Variants in RGPD4 observed in about 807,000 individuals in gnomAD.
RGPD4 encodes the protein RANBP2 like and GRIP domain containing 4.
In RGPD4, 84 loss-of-function variants were observed where a neutral mutation model predicts 141.1. The ratio of observed to expected loss-of-function variants is 0.60; its 90% CI spans 0.50 to 0.71. RGPD4 has a LOEUF of 0.71. Ranked by LOEUF, RGPD4 falls within the 30% of genes least tolerant of loss-of-function variation. The pLI, the probability that RGPD4 is intolerant of heterozygous loss-of-function variation, is 0.00. For missense variants in RGPD4, 918 were observed against 1,622.4 expected (o/e 0.57, Z 7.46); for synonymous variants, 298 against 566.8 (o/e 0.53, Z 6.74).
At chr2:107,874,730 TTG>T (rs1473576622) in intron 20 of RGPD4, among the ~76,000 whole-genome samples, 2 of 150,292 alleles carry the variant, frequency 1.3e-5, no homozygotes, top group Admixed American at 6.6e-5. Context: ...GATAATGTCA[TTG>T]TCCCAAGGGA....
chr2:107,872,834 C>T lies in RGPD4; in HGVS notation c.4830C>T (p.Ile1610=), dbSNP rs1299990468. Residue 1610 remains isoleucine (I), a synonymous_variant, in exon 20 of 23, where the codon ATC becomes ATT. Coordinates refer to ENST00000408999, the MANE Select transcript of RGPD4 (RefSeq NM_182588.3). ...KKCELSKNSD[I]EQSSDSKVKN... is the part of the protein sequence containing the mutation. ...GTGAACTGTCAAAGAACTCTGATAT[C>T]GAACAGTCTTCAGATAGCAAAGTCA... The T allele has an allele frequency of 1.2e-6, 2 of 1,606,332 alleles. No homozygotes were observed. Among genetic ancestry groups the T allele is most frequent in the South Asian group, 1.1e-5 (1 of 90,738 alleles).
chr2:107,871,773 G>T lies in RGPD4; in HGVS notation c.3769G>T (p.Asp1257Tyr), dbSNP rs755768263. 3.7e-6 allele frequency: 6 copies of T among 1,611,372 alleles called. No homozygotes were observed. The African/African-American group carries it at 8.1e-5, about 22-fold the overall frequency. Residue 1257 changes from aspartate (D) to tyrosine (Y), a missense_variant, in exon 20 of 23, where the codon GAT (aspartate) becomes TAT (tyrosine). Transcript: ENST00000408999. ...LEWDNCDLRE[D>Y]ALDDSVSSSS... ...ATGGGATAACTGTGATTTAAGGGAA[G>T]ATGCTTTGGATGATAGTGTCAGTAG...
rs768010825 is a variant in RGPD4, at chr2:107,826,989, T to C, written c.-25T>C. 1.9e-6 allele frequency: 3 copies of C among 1,590,424 alleles called. No homozygotes were observed. Among genetic ancestry groups the C allele is most frequent in the African/African-American group, 2.7e-5 (2 of 74,476 alleles). ...CGGGGCTGAGCGCTGGTTTCACGCG[T>C]CTCGGGAGCCAGGTTGGTGGCGCGA... is the stretch of plus-strand genomic sequence containing the variant. On this transcript the variant is annotated 5_prime_UTR_variant, in exon 1 of 23. Transcript: ENST00000408999.
Position 107,871,229 on chromosome 2 carries a change from G to T in RGPD4, c.3225G>T (p.Arg1075Ser), listed in dbSNP as rs1335436792. 3.0e-5 allele frequency: 49 copies of T among 1,609,218 alleles called. 1 individual carries two copies. Among genetic ancestry groups the T allele is most frequent in the African/African-American group, 8.2e-5 (6 of 73,184 alleles). ...TATTTAGATTTGATGCTGAGGTAAG[G>T]CAGTGGAAAGAAAGGGGCTTGGGGA... ...VKLFRFDAEV[R>S]QWKERGLGNL... The change falls in exon 20 of 23, where the codon AGG (arginine) becomes AGT (serine). Residue 1075 changes from arginine to serine, a missense_variant. Coordinates refer to ENST00000408999, the MANE Select transcript of RGPD4 (RefSeq NM_182588.3).
chr2:107,874,697 G>T lies in RGPD4; in HGVS notation c.4924+1769G>T, dbSNP rs577188088. Among the ~76,000 whole-genome samples the T allele has an allele frequency of 2.5e-3, 372 of 150,208 alleles. 7 individuals carry two copies. The highest frequency in any genetic ancestry group is 8.0e-3 in the African/African-American group (324 of 40,294). On this transcript the variant is annotated intron_variant, in intron 20 of 22. Coordinates refer to ENST00000408999, the MANE Select transcript of RGPD4 (RefSeq NM_182588.3). ...TGCCTATACACTACTGTAGAACATA[G>T]AGCCTTATTCTGTTTTGAATCTGAT...
intron 20 of RGPD4, among the ~76,000 whole-genome samples, chr2:107,878,791 G>A (rs1192237436): frequency 5.8e-5 from 3 of 52,122 alleles, no homozygotes; most frequent in African/African-American, 2.1e-4. Context: ...GATGTTCAAG[G>A]GCAGGAAGCA....
At chr2:107,830,341 C>T (rs1271933374) in intron 1 of RGPD4, among the ~76,000 whole-genome samples, 1 of 63,250 alleles carries the variant, frequency 1.6e-5, no homozygotes. Context: ...TTTAAACAAG[C>T]TTAAAAAAAA....
At chr2:107,844,840 T>TG (rs1681865011) in intron 6 of RGPD4, among the ~76,000 whole-genome samples, 1 of 96,372 alleles carries the variant, frequency 1.0e-5, no homozygotes, top group Non-Finnish European at 2.2e-5. Context: ...GTTTTTTTTT[T>TG]TTTTTTTTTT....
intron 9 of RGPD4, among the ~76,000 whole-genome samples, chr2:107,857,974 G>A (rs1484569951): frequency 6.6e-6 from 1 of 152,070 alleles, no homozygotes; most frequent in African/African-American, 2.4e-5. Context: ...GGGCGACAGA[G>A]CGAGACTTCG....
intron 22 of RGPD4, among the ~76,000 whole-genome samples, chr2:107,884,732 TAACTA>T (rs1192743433): frequency 6.8e-6 from 1 of 146,804 alleles, no homozygotes; most frequent in Non-Finnish European, 1.5e-5. Flanking sequence ...TAAACCCTAA[TAACTA>T]AACTGATAAG....
chr2:107,849,009 CAG>C, intron 7 of RGPD4, among the ~76,000 whole-genome samples: 1 of 99,852 alleles, frequency 1.0e-5, no homozygotes, highest in African/African-American at 4.3e-5. Context: ...GTATATGTAA[CAG>C]TATATCTATT....
At chr2:107,829,509 C>T in intron 1 of RGPD4, among the ~76,000 whole-genome samples, 1 of 131,240 alleles carries the variant, frequency 7.6e-6, no homozygotes, top group East Asian at 2.2e-4. Context: ...ACGGGCGCTG[C>T]TCCCTGGCGC....
In RGPD4 at chr2:107,859,806, T is replaced by A. The variant is rs773071221; in HGVS notation, c.1719T>A (p.Pro573=). 1.2e-6 allele frequency: 2 copies of A among 1,609,930 alleles called. No homozygotes were observed. Among genetic ancestry groups the A allele is most frequent in the Non-Finnish European group, 1.7e-6 (2 of 1,179,700 alleles). ...CCCAGGAAAAACATGGCCTTCAACC[T>A]GCTCTGCTTGTACATTGGGCAAAAT... ...LRAQEKHGLQ[P]ALLVHWAKCL... is the part of the protein sequence containing the mutation. Residue 573 remains proline, a synonymous_variant, in exon 12 of 23, where the codon CCT becomes CCA. Coordinates refer to ENST00000408999, the MANE Select transcript of RGPD4 (RefSeq NM_182588.3).
chr2:107,830,194 A>C (rs1251994965), intron 1 of RGPD4, among the ~76,000 whole-genome samples: 1 of 151,790 alleles, frequency 6.6e-6, no homozygotes, highest in East Asian at 1.9e-4. Flanking sequence ...AAAAATTCTA[A>C]AGTTCTTACA....
chr2:107,836,380 T>G lies in RGPD4; in HGVS notation c.73-222T>G, dbSNP rs1383978779. ...CACCCACTTCGGCCTCCCAAAGTGC[T>G]GGGATTACAGGCATGAGCCGCTGCA... On this transcript the variant is annotated intron_variant, in intron 1 of 22. Coordinates refer to ENST00000408999, the MANE Select transcript of RGPD4 (RefSeq NM_182588.3). Among the ~76,000 whole-genome samples, 6 of 106,968 alleles carry G rather than the reference T, an allele frequency of 5.6e-5. 1 individual carries two copies. The highest frequency in any genetic ancestry group is 2.6e-4 in the Admixed American group (3 of 11,524). The allele number at this position is 106,968 out of a possible 152,430, so 70.2% of individuals were successfully genotyped here.
At chr2:107,829,518 G>A (rs1407146941) in intron 1 of RGPD4, among the ~76,000 whole-genome samples, 12 of 133,654 alleles carry the variant, frequency 9.0e-5, no homozygotes, top group African/African-American at 2.9e-4. Flanking sequence ...GCTCCCTGGC[G>A]CGCTCTGTTG....
chr2:107,863,249 C>A (rs1447243739), intron 17 of RGPD4, among the ~76,000 whole-genome samples: 3 of 72,986 alleles, frequency 4.1e-5, no homozygotes, highest in African/African-American at 6.0e-5. Flanking sequence ...GCGGCTTCGA[C>A]CTCCTAGCTC....
chr2:107,887,416 A>T (rs1488895863), intron 22 of RGPD4, among the ~76,000 whole-genome samples: 3 of 152,188 alleles, frequency 2.0e-5, no homozygotes, highest in African/African-American at 7.2e-5. Flanking sequence ...AGCTCTAGAT[A>T]TAAAATGTTT....
In RGPD4 at chr2:107,875,270, T is replaced by C. The variant is rs1683057314; in HGVS notation, c.4924+2342T>C. Among the ~76,000 whole-genome samples, 2 of 63,240 alleles carry C rather than the reference T, an allele frequency of 3.2e-5. 1 individual carries two copies. Among genetic ancestry groups the C allele is most frequent in the Non-Finnish European group, 6.7e-5 (2 of 29,900 alleles). The allele number at this position is 63,240 out of a possible 152,430, so 41.5% of individuals were successfully genotyped here. ...ATGAAAGTAACTTTATCGATAGATT[T>C]GATTTAACTCATTATGTCCAGAATA... On this transcript the variant is annotated intron_variant, in intron 20 of 22. Coordinates refer to ENST00000408999, the MANE Select transcript of RGPD4 (RefSeq NM_182588.3).
Sources: gnomAD v4.1 joint callset for allele counts (sites outside exome capture counted in the v4.1 genomes callset) on GRCh38, gnomAD v4.1.1 for gene constraint, MANE v1.5 for transcripts, NCBI Gene and HGNC (gene_info 2026-07-23, HGNC 2026-07-21) for gene names.